The following KLHL13 variants were observed in gnomAD, a reference collection of about 807,000 sequenced individuals.
KLHL13 encodes kelch like family member 13, also known as kelch-like protein 13.
A neutral mutation model predicts 37.1 loss-of-function variants in KLHL13; 10 were observed. The ratio of observed to expected loss-of-function variants is 0.27; its 90% CI spans 0.17 to 0.46. KLHL13 has a LOEUF of 0.46. Ranked by LOEUF, KLHL13 falls within the 20% of genes least tolerant of loss-of-function variation. KLHL13 has a pLI of 1.00. For missense variants in KLHL13, 360 were observed against 509.3 expected, an observed-to-expected ratio of 0.71 and a Z score of 2.82; for synonymous variants, 163 against 181.2, an observed-to-expected ratio of 0.90 and a Z score of 0.81.
intron 1 of KLHL13, among the ~76,000 whole-genome samples, chrX:118,093,635 C>A (rs2055165277): frequency 9.0e-6 from 1 of 111,321 alleles, no homozygotes; most frequent in South Asian, 3.8e-4. Flanking sequence ...GATTGGAAAC[C>A]AAAACAAATG....
chrX:118,047,902 A>C (rs2054575958), intron 1 of KLHL13, among the ~76,000 whole-genome samples: 1 of 111,981 alleles, frequency 8.9e-6, no homozygotes, highest in Non-Finnish European at 1.9e-5. Context: ...GGTAACCCAG[A>C]AGACAAAATA....
At chrX:117,928,179 A>G (rs191880148) in intron 2 of KLHL13, among the ~76,000 whole-genome samples, 250 of 112,096 alleles carry the variant, frequency 2.2e-3, no homozygotes, top group African/African-American at 7.6e-3. Flanking sequence ...TTAATAGCAG[A>G]GTTTCAAAAT....
At chrX:118,083,121 G>T (rs1468437460) in intron 1 of KLHL13, among the ~76,000 whole-genome samples, 1 of 111,504 alleles carries the variant, frequency 9.0e-6, no homozygotes, top group African/African-American at 3.3e-5. Flanking sequence ...AACTATCATT[G>T]GTATTTTGGT....
At chrX:118,031,502 T>G (rs911838417) in intron 1 of KLHL13, among the ~76,000 whole-genome samples, 2 of 93,741 alleles carry the variant, frequency 2.1e-5, no homozygotes, top group Admixed American at 1.3e-4. Flanking sequence ...TTTAGATATA[T>G]ATATATACAC....
rs199927818 is a variant in KLHL13, at chrX:118,021,410, C to A, written c.-55-75835G>T. ...CCCCCTACCCTTACCCCACGACAGG[C>A]CCTGGTGTGTGATGTTCCCCTTCCT... On this transcript the variant is annotated intron_variant, in intron 1 of 6. Transcript: ENST00000371882. Among the ~76,000 whole-genome samples, 29 of 107,164 alleles carry A rather than the reference C, an allele frequency of 2.7e-4. No homozygotes were observed. The East Asian group carries it at 7.7e-3, about 28-fold the overall frequency. 93.1% of individuals were successfully genotyped at this position (107,164 alleles called of 115,157 possible). A position where few individuals can be genotyped will look rare whatever the true frequency, so the allele number is the denominator to read the frequency against.
chrX:118,013,768 C>A (rs188648068), intron 1 of KLHL13, among the ~76,000 whole-genome samples: 1 of 112,341 alleles, frequency 8.9e-6, no homozygotes, highest in African/African-American at 3.2e-5. Context: ...ACGGAGAGAC[C>A]GGCTGGAGCC....
chrX:118,113,716 C>G (rs1462988464), intron 1 of KLHL13, among the ~76,000 whole-genome samples: 1 of 112,124 alleles, frequency 8.9e-6, no homozygotes, highest in Non-Finnish European at 1.9e-5. Context: ...CTATCTGTAT[C>G]ATATTCCCCT....
chrX:117,933,749 A>T (rs1191625512), intron 2 of KLHL13, among the ~76,000 whole-genome samples: 4 of 111,457 alleles, frequency 3.6e-5, no homozygotes, highest in African/African-American at 1.3e-4. Context: ...ACATTTATTA[A>T]GCAGCATCAT....
chrX:117,958,621 C>A (rs1302811878), intron 1 of KLHL13, among the ~76,000 whole-genome samples: 2 of 108,925 alleles, frequency 1.8e-5, no homozygotes, highest in Non-Finnish European at 3.8e-5. Flanking sequence ...AGGCACCACA[C>A]TAGATGATAG....
chrX:117,945,533 A>C, exon 2 of KLHL13: 1 of 1,209,981 alleles, frequency 8.3e-7, no homozygotes, highest in South Asian at 1.8e-5. Flanking sequence ...CGCTGCCTCC[A>C]AGGGACAATT....
chrX:117,968,602 C>T (rs2053475180), intron 1 of KLHL13, among the ~76,000 whole-genome samples: 1 of 111,517 alleles, frequency 9.0e-6, no homozygotes, highest in Non-Finnish European at 1.9e-5. Flanking sequence ...ATTAAGTAGA[C>T]ACAAAGCAAG....
At chrX:118,059,417 C>A (rs2054717716) in intron 1 of KLHL13, among the ~76,000 whole-genome samples, 1 of 111,472 alleles carries the variant, frequency 9.0e-6, no homozygotes, top group Non-Finnish European at 1.9e-5. Flanking sequence ...ACAAATATAG[C>A]AAATTCCCTA....
chrX:118,076,841 T>C (rs766848767), intron 1 of KLHL13, among the ~76,000 whole-genome samples: 20 of 109,301 alleles, frequency 1.8e-4, no homozygotes, highest in African/African-American at 6.6e-4. Flanking sequence ...CTTTTTTCTC[T>C]TTCTTTTCTT....
upstream of KLHL13, among the ~76,000 whole-genome samples, chrX:117,974,535 A>C (rs2053573662): frequency 1.8e-5 from 2 of 112,014 alleles, no homozygotes; most frequent in Admixed American, 1.9e-4. Flanking sequence ...ACACACATGA[A>C]TGTTTCTACA....
intron 1 of KLHL13, among the ~76,000 whole-genome samples, chrX:118,054,872 T>C (rs1345773206): frequency 9.0e-6 from 1 of 111,266 alleles, no homozygotes; most frequent in Admixed American, 9.6e-5. Flanking sequence ...GTCAATTAAA[T>C]GTAAAACAAT....
chrX:118,099,907 GAAGGAAGGAAGA>G (rs1457223410), intron 1 of KLHL13, among the ~76,000 whole-genome samples: 1 of 96,997 alleles, frequency 1.0e-5, no homozygotes, highest in Non-Finnish European at 1.9e-5. Flanking sequence ...AGGAAGGAAA[GAAGGAAGGAAGA>G]AAGGAAGGAA....
chrX:118,021,938 T>C (rs1476698195), intron 1 of KLHL13, among the ~76,000 whole-genome samples: 1 of 111,990 alleles, frequency 8.9e-6, no homozygotes, highest in Non-Finnish European at 1.9e-5. Flanking sequence ...CTAACTGGCG[T>C]GAGATGGTAT....
chrX:118,010,767 G>C (rs1206218234), intron 1 of KLHL13, among the ~76,000 whole-genome samples: 1 of 110,806 alleles, frequency 9.0e-6, no homozygotes, highest in African/African-American at 3.3e-5. Flanking sequence ...TCAATGCTAG[G>C]GGAGCCATTA....
rs1930004050 is a variant in KLHL13 at position 117,900,270 on chromosome X, T to G, written c.1481-875A>C. On this transcript the variant is annotated intron_variant, in intron 6 of 6. Transcript: ENST00000262820. Reference sequence around the variant, plus strand: ...TGTCAAATGGCCAGATGCCAATCACTATCACTGTTTCCTTCTGCTTTTTAA... The same window carrying G: ...TGTCAAATGGCCAGATGCCAATCACGATCACTGTTTCCTTCTGCTTTTTAA... Among the ~76,000 whole-genome samples, 7 of 112,513 alleles carry G rather than the reference T, an allele frequency of 6.2e-5. No homozygotes were observed. The South Asian group carries it at 2.6e-3, about 41-fold the overall frequency.
Sources: allele counts gnomAD v4.1 joint callset (sites outside exome capture counted in the v4.1 genomes callset), GRCh38; gene constraint gnomAD v4.1.1; transcripts MANE v1.5; gene names NCBI Gene and HGNC (gene_info 2026-07-23, HGNC 2026-07-21).